Variants in IL1RAPL2 observed in about 807,000 individuals in gnomAD.
IL1RAPL2 encodes the protein X-linked interleukin-1 receptor accessory protein-like 2.
IL1RAPL2 carries 3 observed loss-of-function variants against 44.1 expected under a neutral mutation model. The ratio of observed to expected loss-of-function variants is 0.07; its 90% CI spans 0.03 to 0.18. The LOEUF (loss-of-function observed/expected upper bound fraction) is 0.18, where lower values mean the gene tolerates loss of function less well. Ranked by LOEUF, IL1RAPL2 falls within the 10% of genes least tolerant of loss-of-function variation. The probability of loss-of-function intolerance (pLI) is 1.00; values close to 1 mark genes in which losing one functional copy is unlikely to be tolerated. For synonymous variants in IL1RAPL2, 181 were observed against 178.8 expected (o/e 1.01, Z -0.10); for missense variants, 391 against 496.4 (o/e 0.79, Z 2.02).
intron 2 of IL1RAPL2, among the ~76,000 whole-genome samples, chrX:105,169,526 A>G (rs1265002507): frequency 4.2e-5 from 2 of 47,637 alleles, no homozygotes; most frequent in African/African-American, 2.9e-4. Flanking sequence ...TTTTTTTGAG[A>G]CAGAGTGTGA....
At chrX:104,821,801 A>G (rs750259135) in intron 2 of IL1RAPL2, among the ~76,000 whole-genome samples, 2 of 111,934 alleles carry the variant, frequency 1.8e-5, no homozygotes, top group Non-Finnish European at 3.8e-5. Flanking sequence ...CTAGTTCTAG[A>G]TCCTTGAGGA....
At chrX:105,391,204 T>A (rs1602390729) in intron 5 of IL1RAPL2, among the ~76,000 whole-genome samples, 1 of 111,792 alleles carries the variant, frequency 8.9e-6, no homozygotes, top group Admixed American at 9.5e-5. Context: ...ATAGGGTGCC[T>A]GAAGAAATTA....
intron 2 of IL1RAPL2, among the ~76,000 whole-genome samples, chrX:104,771,714 G>A (rs1447906108): frequency 9.0e-6 from 1 of 111,510 alleles, no homozygotes; most frequent in African/African-American, 3.3e-5. Flanking sequence ...GAGAGAATAT[G>A]TATTCAGCTG....
intron 2 of IL1RAPL2, among the ~76,000 whole-genome samples, chrX:104,983,510 AATATT>A (rs1241050055): frequency 1.8e-4 from 18 of 99,044 alleles, no homozygotes; most frequent in African/African-American, 5.2e-4. Flanking sequence ...AATATTATAT[AATATT>A]ATATTAGATA....
intron 2 of IL1RAPL2, among the ~76,000 whole-genome samples, chrX:104,869,786 T>C (rs1922713937): frequency 8.9e-6 from 1 of 112,077 alleles, no homozygotes; most frequent in African/African-American, 3.2e-5. Context: ...CACATGCAGA[T>C]ATTCAAACAT....
chrX:104,589,001 G>A lies in IL1RAPL2; in HGVS notation c.-20+21950G>A, dbSNP rs1206006905. Among the ~76,000 whole-genome samples the A allele has an allele frequency of 4.5e-5, 5 of 111,944 alleles. No individual in the cohort carries two copies. The Admixed American group carries it at 4.7e-4, about 11-fold the overall frequency. On this transcript the variant is annotated intron_variant, in intron 1 of 10. Coordinates refer to ENST00000372582, the MANE Select transcript of IL1RAPL2 (RefSeq NM_017416.2). Reference sequence around the variant, plus strand: ...TAGCTGTCCAACCATCTTGTTTTTGGAGGTTGTATCAGTCAGGGTTCTGAC... The same window carrying A: ...TAGCTGTCCAACCATCTTGTTTTTGAAGGTTGTATCAGTCAGGGTTCTGAC...
intron 2 of IL1RAPL2, among the ~76,000 whole-genome samples, chrX:104,718,139 C>A (rs1175689635): frequency 9.0e-6 from 1 of 110,749 alleles, no homozygotes; most frequent in African/African-American, 3.3e-5. Context: ...ATGGCTGGGT[C>A]AAATGGAATT....
intron 2 of IL1RAPL2, among the ~76,000 whole-genome samples, chrX:104,816,136 A>G (rs893138915): frequency 9.0e-6 from 1 of 111,611 alleles, no homozygotes; most frequent in Non-Finnish European, 1.9e-5. Flanking sequence ...CTTAGAAAAA[A>G]AATAACTTTG....
intron 2 of IL1RAPL2, among the ~76,000 whole-genome samples, chrX:104,901,196 C>T (rs758703005): frequency 4.0e-4 from 23 of 57,902 alleles, no homozygotes; most frequent in Middle Eastern, 0.01. Flanking sequence ...CTTTCTTTTG[C>T]TTCTTTTTTT....
chrX:105,495,797 A>T (rs2147780325), intron 6 of IL1RAPL2, among the ~76,000 whole-genome samples: 1 of 110,701 alleles, frequency 9.0e-6, no homozygotes, highest in East Asian at 2.9e-4. Context: ...ACCAAAAATA[A>T]AATTCTAGGC....
Position 105,194,648 on chromosome X carries a change from G to A in IL1RAPL2, c.83-827G>A, listed in dbSNP as rs180851825. 7.2e-5 allele frequency among the ~76,000 whole-genome samples: 8 copies of A among 111,400 alleles called. No homozygotes were observed. The East Asian group carries it at 2.3e-3, about 31-fold the overall frequency. On this transcript the variant is annotated intron_variant, in intron 2 of 10. Coordinates refer to ENST00000372582, the MANE Select transcript of IL1RAPL2 (RefSeq NM_017416.2). ...ACTCGGCAGCTAAGCAGAAAGGGAG[G>A]CCTAAGGGTATAAAGAGAAATTGAC...
At chrX:105,060,214 A>G (rs1275153592) in intron 2 of IL1RAPL2, among the ~76,000 whole-genome samples, 1 of 111,948 alleles carries the variant, frequency 8.9e-6, no homozygotes, top group Non-Finnish European at 1.9e-5. Context: ...ATCATTGCCC[A>G]TTCAATATGG....
intron 1 of IL1RAPL2, among the ~76,000 whole-genome samples, chrX:104,602,217 G>A (rs749057481): frequency 9.0e-6 from 1 of 111,394 alleles, no homozygotes; most frequent in African/African-American, 3.3e-5. Context: ...GCCTCACCTA[G>A]GAAGTGCAAG....
intron 2 of IL1RAPL2, among the ~76,000 whole-genome samples, chrX:105,172,662 G>C (rs774345592): frequency 9.9e-5 from 11 of 111,560 alleles, no homozygotes; most frequent in Non-Finnish European, 2.1e-4. Context: ...TCTGCAACTC[G>C]AGAAAGCTTT....
intron 1 of IL1RAPL2, among the ~76,000 whole-genome samples, chrX:104,582,160 G>C (rs780644580): frequency 8.9e-6 from 1 of 112,207 alleles, no homozygotes; most frequent in Admixed American, 9.5e-5. Flanking sequence ...CCGCTGCTAT[G>C]TACACAACTA....
At position 104,963,487 on chromosome X, in the gene IL1RAPL2, C is replaced by T. The variant is rs1338438116; in HGVS notation, c.83-231988C>T. On this transcript the variant is annotated intron_variant, in intron 2 of 10. Transcript: ENST00000372582. Reference sequence around the variant, plus strand: ...AACATTCTGACATCTAGGCATTTCTCATTGACATTAATAGGGTCAATATCC... The same window carrying T: ...AACATTCTGACATCTAGGCATTTCTTATTGACATTAATAGGGTCAATATCC... 2.7e-5 allele frequency among the ~76,000 whole-genome samples: 3 copies of T among 111,915 alleles called. No homozygotes were observed. The Admixed American group carries it at 2.8e-4, about 11-fold the overall frequency.
intron 1 of IL1RAPL2, among the ~76,000 whole-genome samples, chrX:104,583,390 A>T (rs781287949): frequency 9.0e-6 from 1 of 111,354 alleles, no homozygotes; most frequent in Non-Finnish European, 1.9e-5. Flanking sequence ...GTTACACTCC[A>T]TTTACCCAAC....
At chrX:105,747,280 C>T (rs1202807169) in intron 8 of IL1RAPL2, among the ~76,000 whole-genome samples, 1 of 109,087 alleles carries the variant, frequency 9.2e-6, no homozygotes, top group Non-Finnish European at 1.9e-5. Flanking sequence ...ATTTCCTACC[C>T]CTATTCATTG....
chrX:104,757,829 G>T (rs1932365377), intron 2 of IL1RAPL2, among the ~76,000 whole-genome samples: 2 of 111,676 alleles, frequency 1.8e-5, no homozygotes, highest in African/African-American at 6.5e-5. Context: ...ATCTAGAGTT[G>T]TTCTCCAATG....
Sources: gnomAD v4.1 joint callset for allele counts (sites outside exome capture counted in the v4.1 genomes callset) on GRCh38, gnomAD v4.1.1 for gene constraint, MANE v1.5 for transcripts, NCBI Gene and HGNC (gene_info 2026-07-23, HGNC 2026-07-21) for gene names.